The following GLI3 variants were observed in gnomAD, a reference collection of about 807,000 sequenced individuals.
GLI3 encodes transcription activator GLI3.
GLI3 carries 20 observed loss-of-function variants against 100.8 expected under a neutral mutation model. The observed-to-expected ratio is 0.20, with a 90% CI of 0.14 to 0.29. GLI3 has a LOEUF of 0.29. Ranked by LOEUF, GLI3 falls within the 10% of genes least tolerant of loss-of-function variation. The pLI is 1.00. For synonymous variants in GLI3, 938 were observed against 860.5 expected, an observed-to-expected ratio of 1.09 and a Z score of -1.58; for missense variants, 2,040 against 2,128.5, an observed-to-expected ratio of 0.96 and a Z score of 0.82.
chr7:42,142,201 A>G (rs1182851170), intron 3 of GLI3, among the ~76,000 whole-genome samples: 6 of 152,204 alleles, frequency 3.9e-5, no homozygotes, highest in African/African-American at 1.2e-4. Context: ...GCCTTTAAAC[A>G]TAAGCAGGAT....
intron 3 of GLI3, among the ~76,000 whole-genome samples, chr7:42,102,623 T>C (rs1257239785): frequency 6.6e-6 from 1 of 152,222 alleles, no homozygotes; most frequent in Middle Eastern, 3.2e-3. Context: ...TTCTTGGGCT[T>C]CAGTGCCTCA....
intron 2 of GLI3, among the ~76,000 whole-genome samples, chr7:42,192,646 A>C (rs888354526): frequency 6.6e-6 from 1 of 152,242 alleles, no homozygotes; most frequent in Non-Finnish European, 1.5e-5. Flanking sequence ...TGTGAAAAAC[A>C]AACTCTAATT....
intron 1 of GLI3, among the ~76,000 whole-genome samples, chr7:42,255,401 G>A (rs1173829163): frequency 6.6e-6 from 1 of 151,992 alleles, no homozygotes; most frequent in African/African-American, 2.4e-5. Context: ...ATTTATAGTT[G>A]TACAGCCATC....
intron 3 of GLI3, among the ~76,000 whole-genome samples, chr7:42,130,158 C>T (rs1326612687): frequency 2.6e-5 from 4 of 152,092 alleles, no homozygotes; most frequent in Non-Finnish European, 5.9e-5. Flanking sequence ...GAATCAAGCC[C>T]TCTTCGTTCT....
chr7:42,044,453 C>T (rs1034214375), intron 6 of GLI3, among the ~76,000 whole-genome samples: 1 of 152,136 alleles, frequency 6.6e-6, no homozygotes, highest in Non-Finnish European at 1.5e-5. Flanking sequence ...CTTGTCTATG[C>T]GTCTACATAA....
At chr7:42,158,764 A>G (rs934416568) in intron 2 of GLI3, among the ~76,000 whole-genome samples, 55 of 152,174 alleles carry the variant, frequency 3.6e-4, no homozygotes, top group Non-Finnish European at 4.4e-5. Flanking sequence ...GTGTGGAATT[A>G]CAGGCGTGAT....
At chr7:42,182,675 TATATATAC>T (rs1263679173) in intron 2 of GLI3, among the ~76,000 whole-genome samples, 1,835 of 68,336 alleles carry the variant, frequency 0.027, 81 homozygotes, top group East Asian at 0.061. Context: ...TATATATATA[TATATATAC>T]ACATGTGTGT....
chr7:42,189,123 T>C (rs1361720284), intron 2 of GLI3, among the ~76,000 whole-genome samples: 3 of 152,170 alleles, frequency 2.0e-5, no homozygotes, highest in African/African-American at 7.2e-5. Context: ...AATGTCTGTA[T>C]CTTCCACACA....
chr7:42,061,815 A>G (rs781520602), intron 4 of GLI3, among the ~76,000 whole-genome samples: 2 of 152,206 alleles, frequency 1.3e-5, no homozygotes, highest in African/African-American at 4.8e-5. Context: ...TCAACAGAAA[A>G]GCAGCATCAA....
upstream of GLI3, among the ~76,000 whole-genome samples, chr7:42,237,227 G>T (rs1014216148): frequency 6.6e-5 from 10 of 151,204 alleles, no homozygotes; most frequent in African/African-American, 2.2e-4. Flanking sequence ...CGCCGGTGGC[G>T]CTGCCCCTGC....
intron 4 of GLI3, among the ~76,000 whole-genome samples, chr7:42,068,863 A>T (rs1784728002): frequency 6.6e-6 from 1 of 152,194 alleles, no homozygotes; most frequent in Non-Finnish European, 1.5e-5. Flanking sequence ...ACCTAACCTC[A>T]AAGTGTCTTC....
rs118157739 is a variant in GLI3, at chr7:41,963,604, T to C, written c.*726A>G. ...TAACTGAGAATCGACCATACAGACA[T>C]AGCCTCCCCCAAAGCACACTTACAG... On this transcript the variant is annotated 3_prime_UTR_variant, in exon 15 of 15. Transcript: ENST00000395925. The C allele has an allele frequency of 0.035, 5,323 of 152,276 alleles. 108 individuals are homozygous for C. The highest frequency in any genetic ancestry group is 0.053 in the Non-Finnish European group (3,615 of 68,080). 9.4% of individuals were successfully genotyped at this position (152,276 alleles called of 1,614,324 possible).
intron 10 of GLI3, among the ~76,000 whole-genome samples, chr7:41,990,327 C>T (rs1787948697): frequency 6.6e-6 from 1 of 152,010 alleles, no homozygotes; most frequent in Non-Finnish European, 1.5e-5. Context: ...CCACATGAAG[C>T]CTAAGCATAT....
At chr7:42,140,491 T>C (rs535643589) in intron 3 of GLI3, among the ~76,000 whole-genome samples, 60 of 152,238 alleles carry the variant, frequency 3.9e-4, no homozygotes, top group Non-Finnish European at 7.1e-4. Context: ...AGTGAAGACA[T>C]TAGAATGATG....
intron 3 of GLI3, among the ~76,000 whole-genome samples, chr7:42,101,841 CCA>C (rs1447609578): frequency 8.3e-6 from 1 of 120,880 alleles, no homozygotes; most frequent in African/African-American, 4.1e-5. Flanking sequence ...CCACCCTCTC[CCA>C]CCCCACAACA....
intron 3 of GLI3, among the ~76,000 whole-genome samples, chr7:42,130,217 C>G (rs906800067): frequency 1.3e-5 from 2 of 152,136 alleles, no homozygotes; most frequent in African/African-American, 4.8e-5. Flanking sequence ...ATCCTGCCAA[C>G]TGATACACGT....
intron 2 of GLI3, among the ~76,000 whole-genome samples, chr7:42,152,645 C>A (rs1344851424): frequency 6.6e-6 from 1 of 152,202 alleles, no homozygotes; most frequent in African/African-American, 2.4e-5. Flanking sequence ...ACTAATGTCA[C>A]CCTATCACAA....
Position 42,048,526 on chromosome 7 carries a change from A to T in GLI3, c.644T>A (p.Met215Lys). 1 of 1,613,530 alleles carries T rather than the reference A, an allele frequency of 6.2e-7. No individual in the cohort carries two copies. Among genetic ancestry groups the T allele is most frequent in the Non-Finnish European group, 8.5e-7 (1 of 1,179,796 alleles). The change falls in exon 5 of 15, where the codon ATG becomes AAG. Residue 215 changes from methionine (M) to lysine (K), a missense_variant. By Grantham distance (95) the Met-to-Lys change is moderately conservative. This residue lies in a region of GLI3 where 603 missense variants were observed against 690.9 expected (regional missense o/e 0.87). Transcript: ENST00000395925. Reference protein sequence around the residue: ...RSLHSSPSLSMISATRGLSPT... With the variant: ...RSLHSSPSLSKISATRGLSPT... ...GCTCAGCCCACGGGTTGCTGAGATC[A>T]TGGAGAGCGATGGGCTGCTGTGCAA...
At chr7:42,063,755 C>G (rs1351712262) in intron 4 of GLI3, among the ~76,000 whole-genome samples, 1 of 152,148 alleles carries the variant, frequency 6.6e-6, no homozygotes, top group Non-Finnish European at 1.5e-5. Context: ...TATATATATG[C>G]TCCTTTGCTG....
Sources: gnomAD v4.1 joint callset for allele counts (sites outside exome capture counted in the v4.1 genomes callset) on GRCh38, gnomAD v4.1.1 for gene constraint, gnomAD v4.1.1 regional missense constraint, MANE v1.5 for transcripts, NCBI Gene and HGNC (gene_info 2026-07-23, HGNC 2026-07-21) for gene names.